Variants in MIR2052HG observed in about 807,000 individuals in gnomAD.
The protein encoded by MIR2052HG is MIR2052 host gene.
chr8:74,600,372 G>T (rs1217107442), intron 1 of MIR2052HG, among the ~76,000 whole-genome samples: 14 of 151,268 alleles, frequency 9.3e-5, no homozygotes, highest in Non-Finnish European at 2.9e-5. Context: ...ATCACTTGAG[G>T]TCAGGAGTTC....
intron 4 of MIR2052HG, among the ~76,000 whole-genome samples, chr8:74,751,170 A>G: frequency 6.6e-6 from 1 of 152,196 alleles, no homozygotes; most frequent in Non-Finnish European, 1.5e-5. Flanking sequence ...CCTGATGCAT[A>G]TGTCCTAGCT....
At chr8:74,680,589 A>C (rs1809111948) in intron 2 of MIR2052HG, among the ~76,000 whole-genome samples, 2 of 152,164 alleles carry the variant, frequency 1.3e-5, no homozygotes, top group South Asian at 4.1e-4. Flanking sequence ...ATGTGGAGAA[A>C]CAGGAACACT....
At chr8:74,664,991 T>C (rs1325100739) in intron 2 of MIR2052HG, among the ~76,000 whole-genome samples, 1 of 152,218 alleles carries the variant, frequency 6.6e-6, no homozygotes, top group East Asian at 1.9e-4. Flanking sequence ...TCAAATTCAC[T>C]TTTACCCTTT....
chr8:74,658,802 C>G lies in MIR2052HG; in HGVS notation n.217-43577C>G, dbSNP rs148035752. On this transcript the variant is annotated intron_variant and non_coding_transcript_variant, in intron 2 of 6. Transcript: ENST00000523442. ...TCTAAGCACTTAATGTGATTAAAGG[C>G]AAACAGAATCTCTGTAAAGCATCTT... Among the ~76,000 whole-genome samples, 837 of 152,180 alleles carry G rather than the reference C, an allele frequency of 5.5e-3. 11 individuals carry two copies. Among genetic ancestry groups the G allele is most frequent in the African/African-American group, 0.019 (780 of 41,522 alleles).
In MIR2052HG at chr8:74,693,613, G is replaced by C. The variant is rs191866772; in HGVS notation, n.217-8766G>C. ...AAAATCAGTGCTATTGCGGGGGCGG[G>C]GGGGGAGGGGTGGGAATGGTGGGAA... On this transcript the variant is annotated intron_variant and non_coding_transcript_variant, in intron 2 of 6. Transcript: ENST00000523442. 8.9e-4 allele frequency among the ~76,000 whole-genome samples: 135 copies of C among 151,108 alleles called. 1 individual carries two copies. In the East Asian group the frequency reaches 0.015, roughly 17 times the overall value.
chr8:74,636,970 AG>A (rs1463873878), intron 2 of MIR2052HG, among the ~76,000 whole-genome samples: 2 of 152,158 alleles, frequency 1.3e-5, no homozygotes, highest in Non-Finnish European at 2.9e-5. Flanking sequence ...TTTGGGTGGC[AG>A]GGCTCTTTGG....
At chr8:74,636,039 A>G (rs1808577894) in intron 2 of MIR2052HG, among the ~76,000 whole-genome samples, 1 of 152,150 alleles carries the variant, frequency 6.6e-6, no homozygotes, top group Non-Finnish European at 1.5e-5. Flanking sequence ...TTCCTGGCTC[A>G]TGTCTTGTCC....
chr8:74,729,045 A>C (rs1809664476), intron 4 of MIR2052HG, among the ~76,000 whole-genome samples: 1 of 152,200 alleles, frequency 6.6e-6, no homozygotes, highest in Non-Finnish European at 1.5e-5. Context: ...TGGATTAAAG[A>C]ACTCTAAGTT....
In MIR2052HG at chr8:74,618,477, G is replaced by A. The variant is rs193131221; in HGVS notation, n.216+5537G>A. On this transcript the variant is annotated intron_variant and non_coding_transcript_variant, in intron 2 of 6. Coordinates refer to ENST00000523442, the Ensembl canonical transcript of MIR2052HG. ...ATGATAATGAGAGCCGGAAGGGAGGGGGCTTATAGTACATTAAGAGTATAT... is the reference window on the plus strand; with the variant it reads ...ATGATAATGAGAGCCGGAAGGGAGGAGGCTTATAGTACATTAAGAGTATAT... Among the ~76,000 whole-genome samples the A allele has an allele frequency of 3.3e-5, 5 of 152,112 alleles. No individual in the cohort carries two copies. The East Asian group carries it at 9.7e-4, about 29-fold the overall frequency.
chr8:74,652,913 T>TAATCC (rs1808768007), intron 2 of MIR2052HG, among the ~76,000 whole-genome samples: 2 of 152,170 alleles, frequency 1.3e-5, no homozygotes, highest in African/African-American at 4.8e-5. Context: ...GGCTCCTGAG[T>TAATCC]GATTGGCTGC....
intron 4 of MIR2052HG, among the ~76,000 whole-genome samples, chr8:74,704,814 G>A (rs1389459872): frequency 6.6e-6 from 1 of 152,086 alleles, no homozygotes; most frequent in Non-Finnish European, 1.5e-5. Context: ...TCAGGAGGCA[G>A]AGGAGAAAAA....
chr8:74,610,438 A>G (rs1290017944), intron 1 of MIR2052HG, among the ~76,000 whole-genome samples: 1 of 151,952 alleles, frequency 6.6e-6, no homozygotes, highest in Admixed American at 6.5e-5. Flanking sequence ...TATGTCAAGT[A>G]TCTAAATTAA....
intron 4 of MIR2052HG, among the ~76,000 whole-genome samples, chr8:74,724,258 C>A (rs560063936): frequency 2.0e-5 from 3 of 151,638 alleles, no homozygotes; most frequent in African/African-American, 7.3e-5. Context: ...AAAAAAAAAA[C>A]CATGTGCAGA....
intron 2 of MIR2052HG, among the ~76,000 whole-genome samples, chr8:74,617,798 T>C (rs1278346651): frequency 6.6e-6 from 1 of 152,146 alleles, no homozygotes; most frequent in East Asian, 1.9e-4. Flanking sequence ...TCCACAGAGG[T>C]TGTACTAGTT....
intron 2 of MIR2052HG, chr8:74,628,795 T>A (rs938534427): frequency 1.3e-5 from 2 of 152,168 alleles, no homozygotes; most frequent in African/African-American, 2.4e-5. Flanking sequence ...ATTGTGTAAG[T>A]CTGACCTTTG....
At chr8:74,718,314 CCTTTT>C (rs1430242421) in intron 4 of MIR2052HG, among the ~76,000 whole-genome samples, 1 of 151,874 alleles carries the variant, frequency 6.6e-6, no homozygotes, top group Non-Finnish European at 1.5e-5. Context: ...ATGACAGGGG[CCTTTT>C]CTTTTATATT....
At chr8:74,633,600 G>A (rs78094482) in intron 2 of MIR2052HG, among the ~76,000 whole-genome samples, 6,501 of 152,260 alleles carry the variant, frequency 0.043, 226 homozygotes, top group Non-Finnish European at 0.053. Context: ...ACTTGCATGA[G>A]TTGTACTTGT....
At chr8:74,714,698 C>CTTTTTTTTTTTTTTTT (rs10715580) in intron 4 of MIR2052HG, among the ~76,000 whole-genome samples, 3 of 124,442 alleles carry the variant, frequency 2.4e-5, no homozygotes. Flanking sequence ...CTTTTTCCTT[C>CTTTTTTTTTTTTTTTT]TTTTTTTTTT....
In MIR2052HG at chr8:74,755,642, G is replaced by C. The variant is rs536753264; in HGVS notation, n.465-2469G>C. 3.3e-5 allele frequency among the ~76,000 whole-genome samples: 5 copies of C among 152,234 alleles called. No homozygotes were observed. In the East Asian group the frequency reaches 5.8e-4, roughly 18 times the overall value. On this transcript the variant is annotated intron_variant and non_coding_transcript_variant, in intron 5 of 6. Transcript: ENST00000523442. ...TAAGAGTTTCAACTGTCAGATGCAC[G>C]GTCTTCCAGCGTTCTATCCATCTGT... is the stretch of plus-strand genomic sequence containing the variant.
Sources: gnomAD v4.1 joint callset for allele counts (sites outside exome capture counted in the v4.1 genomes callset) on GRCh38, gnomAD v4.1.1 for gene constraint, MANE v1.5 for transcripts, NCBI Gene and HGNC (gene_info 2026-07-23, HGNC 2026-07-21) for gene names.